CHD4: variants seen among roughly 807,000 people sequenced by gnomAD.
The protein encoded by CHD4 is ATP-dependent chromatin remodeler CHD4.
Under a neutral mutation model 235.5 loss-of-function variants are expected in CHD4, and 35 were observed. The observed-to-expected ratio is 0.15, with a 90% CI of 0.11 to 0.20. The LOEUF (loss-of-function observed/expected upper bound fraction) is 0.20, where lower values mean the gene tolerates loss of function less well. Ranked by LOEUF, CHD4 falls within the 10% of genes least tolerant of loss-of-function variation. The pLI is 1.00. For synonymous variants in CHD4, 900 were observed against 850.2 expected (o/e 1.06, Z -1.02); for missense variants, 1,329 against 2,432.3 (o/e 0.55, Z 9.54).
chr12:6,597,087 G>C (rs1425297250), intron 12 of CHD4, among the ~76,000 whole-genome samples: 2 of 146,004 alleles, frequency 1.4e-5, no homozygotes, highest in Non-Finnish European at 3.0e-5. Flanking sequence ...GGCTAACACA[G>C]TGAAATCCCG....
intron 25 of CHD4, 62 bp downstream of exon 25, chr12:6,587,321 TG>T (rs1194235689): frequency 6.5e-7 from 1 of 1,546,088 alleles, no homozygotes; most frequent in East Asian, 2.3e-5. Flanking sequence ...AATACCACCT[TG>T]GTCTCAATGC....
intron 33 of CHD4, chr12:6,580,393 CA>C (rs1254049195): frequency 1.3e-5 from 2 of 152,128 alleles, no homozygotes; most frequent in African/African-American, 4.8e-5. Context: ...CCATGGTTCA[CA>C]CAGGGATCTG....
chr12:6,591,859 G>C lies in CHD4; in HGVS notation c.3091-34C>G, dbSNP rs753699256. On this transcript the variant is annotated intron_variant, in intron 20 of 39. Coordinates refer to ENST00000544040, the MANE Select transcript of CHD4 (RefSeq NM_001273.5). The stretch of plus-strand genomic sequence containing the variant: ...AAATGCAAAGAAAAAAGTATTAAAA[G>C]AAAGCCCACATGGAGAAGACCCAAC... 2.5e-6 allele frequency: 4 copies of C among 1,613,744 alleles called. No individual in the cohort carries two copies. The East Asian group carries it at 6.7e-5, about 27-fold the overall frequency.
intron 34 of CHD4, 109 bp from the exon 35 acceptor site, chr12:6,578,655 C>T (rs888159037): frequency 1.3e-6 from 2 of 1,528,334 alleles, no homozygotes; most frequent in Middle Eastern, 1.7e-4. Flanking sequence ...ACCCCTTCTC[C>T]ACCTGGGTGT....
Position 6,598,295 on chromosome 12 carries a change from C to T in CHD4, c.1613G>A (p.Arg538Gln). ...NTPSPKPLEG[R>Q]PERQFFVKWQ... ...TTTCACAAAGAACTGCCGCTCTGGC[C>T]GCCCCTCCAAGGGCTTTGGGGAGGG... Residue 538 changes from arginine (R) to glutamine (Q), a missense_variant, in exon 11 of 40, where the codon CGG (arginine) becomes CAG (glutamine). Physicochemically the swap from Arg to Gln is conservative, Grantham distance 43. Around this residue, in one of 26 missense-constraint regions of CHD4, gnomAD observed 45 missense variants for 47.5 expected, o/e 0.95. Coordinates refer to ENST00000544040, the MANE Select transcript of CHD4 (RefSeq NM_001273.5). The T allele has an allele frequency of 1.9e-6, 3 of 1,614,074 alleles. No individual in the cohort carries two copies. Among genetic ancestry groups the T allele is most frequent in the Non-Finnish European group, 2.5e-6 (3 of 1,179,968 alleles).
In CHD4 at chr12:6,577,915, T is replaced by C. The variant is rs1450687927; in HGVS notation, c.5231A>G (p.His1744Arg). ...DYWLLAGIINHGYARWQDIQN... is the reference protein window; with the variant it reads ...DYWLLAGIINRGYARWQDIQN... ...GATGTCTTGCCACCGGGCATAGCCA[T>C]GGCTATTGGAAAAGTGCTCAGGAAA... The change falls in exon 37 of 40, where the codon CAT becomes CGT. Residue 1744 changes from histidine to arginine, a missense_variant and splice_region_variant. Coordinates refer to ENST00000544040, the MANE Select transcript of CHD4 (RefSeq NM_001273.5). The C allele has an allele frequency of 6.2e-7, 1 of 1,613,988 alleles. No homozygotes were observed. The highest frequency in any genetic ancestry group is 8.5e-7 in the Non-Finnish European group (1 of 1,180,044).
Position 6,595,125 on chromosome 12 carries a change from T to C in CHD4, c.2121+209A>G, listed in dbSNP as rs574983460. 4.0e-3 allele frequency among the ~76,000 whole-genome samples: 580 copies of C among 144,798 alleles called. 3 individuals carry two copies. The highest frequency in any genetic ancestry group is 0.014 in the African/African-American group (568 of 40,088). 95.0% of individuals were successfully genotyped at this position (144,798 alleles called of 152,430 possible). On this transcript the variant is annotated intron_variant, in intron 14 of 39. Coordinates refer to ENST00000544040, the MANE Select transcript of CHD4 (RefSeq NM_001273.5). ...CTTCAATCATTCAAAATATACCTCCTTTTTTTTTTTCTGATGACAAAAGAA... is the reference window on the plus strand; with the variant it reads ...CTTCAATCATTCAAAATATACCTCCCTTTTTTTTTTCTGATGACAAAAGAA...
intron 25 of CHD4, among the ~76,000 whole-genome samples, chr12:6,584,976 T>G (rs1202744716): frequency 2.6e-5 from 4 of 152,122 alleles, no homozygotes; most frequent in Admixed American, 2.0e-4. Context: ...TAAACTGAGG[T>G]TGGACGCATT....
In CHD4 at chr12:6,605,557, AC is replaced by A. The variant is rs540182830; in HGVS notation, c.100+716del. ...ACACTGCCAGCCTAAACCGCAGGCT[AC>A]CTCATAGAGACAGAAGCCACTAGGA... On this transcript the variant is annotated intron_variant, in intron 2 of 39. Transcript: ENST00000544040. Among the ~76,000 whole-genome samples the A allele has an allele frequency of 2.6e-5, 4 of 152,296 alleles. No individual in the cohort carries two copies. The South Asian group carries it at 8.3e-4, about 32-fold the overall frequency.
intron 3 of CHD4, 23 bp downstream of exon 3, chr12:6,602,353 G>GT: frequency 6.2e-7 from 1 of 1,611,900 alleles, no homozygotes; most frequent in South Asian, 1.1e-5. Flanking sequence ...CTGATTCCCC[G>GT]TAACATTCAG....
chr12:6,576,049 CTT>C (rs35630388), intron 37 of CHD4, among the ~76,000 whole-genome samples: 6 of 145,916 alleles, frequency 4.1e-5, no homozygotes, highest in Admixed American at 6.9e-5. Flanking sequence ...CTCTCGAGAA[CTT>C]TTTTTTTTTT....
Position 6,570,684 on chromosome 12 carries a change from G to A in CHD4, c.5731C>T (p.Gln1911Ter). 1 of 1,614,174 alleles carries A rather than the reference G, an allele frequency of 6.2e-7. No individual in the cohort carries two copies. Among genetic ancestry groups the A allele is most frequent in the Non-Finnish European group, 8.5e-7 (1 of 1,180,022 alleles). ...PEPTPQQVAQ[Q>*]Q ...GGTATCAGTCTGCATCTTCACTGCT[G>A]CTGGGCTACCTAGAGAAGGAGACCC... is the stretch of plus-strand genomic sequence containing the variant. The change falls in exon 40 of 40, where the codon CAG (glutamine) becomes TAG (stop). Residue 1911 changes from glutamine (Q) to a stop codon, truncating the protein, a stop_gained. Coordinates refer to ENST00000544040, the MANE Select transcript of CHD4 (RefSeq NM_001273.5). LOFTEE classifies it high-confidence loss of function.
chr12:6,573,339 C>A, intron 37 of CHD4, 70 bp from the exon 38 acceptor site: 1 of 1,270,020 alleles, frequency 7.9e-7, no homozygotes, highest in African/African-American at 1.6e-5. Flanking sequence ...ACTGGCCTCT[C>A]AGCTCACCTC....
intron 38 of CHD4, 38 bp from the exon 39 acceptor site, chr12:6,571,070 C>A: frequency 6.2e-6 from 10 of 1,605,410 alleles, no homozygotes; most frequent in Non-Finnish European, 8.5e-6. Context: ...GCTGTGGTGG[C>A]CCAGACTGAG....
At position 6,602,517 on chromosome 12, in the gene CHD4, A is replaced by G. The variant is rs376232465; in HGVS notation, c.101-20T>C. 5.6e-6 allele frequency: 9 copies of G among 1,608,912 alleles called. No individual in the cohort carries two copies. Among genetic ancestry groups the G allele is most frequent in the East Asian group, 4.5e-5 (2 of 44,860 alleles). On this transcript the variant is annotated intron_variant, in intron 2 of 39. Coordinates refer to ENST00000544040, the MANE Select transcript of CHD4 (RefSeq NM_001273.5). The stretch of plus-strand genomic sequence containing the variant: ...CATTTTCTACATATATTTGGCAAAG[A>G]GTGGTAGGCAGGGAAAAGATCAATA...
intron 37 of CHD4, among the ~76,000 whole-genome samples, chr12:6,575,221 G>A (rs1948048088): frequency 1.3e-5 from 2 of 152,128 alleles, no homozygotes; most frequent in South Asian, 4.1e-4. Flanking sequence ...GACAAGGCGG[G>A]CAGATCACCT....
intron 22 of CHD4, 124 bp from the exon 23 acceptor site, chr12:6,588,546 G>C: frequency 3.9e-6 from 4 of 1,028,460 alleles, no homozygotes; most frequent in Non-Finnish European, 5.6e-6. Context: ...GGGAGGCAGA[G>C]ACAGGTGGAT....
chr12:6,577,682 A>C, intron 37 of CHD4, 103 bp downstream of exon 37: 1 of 1,465,766 alleles, frequency 6.8e-7, no homozygotes, highest in Non-Finnish European at 9.3e-7. Flanking sequence ...TAGAATGAAG[A>C]AAGTGAGAAC....
intron 38 of CHD4, among the ~76,000 whole-genome samples, chr12:6,572,365 G>A (rs1454995717): frequency 6.6e-6 from 1 of 151,008 alleles, no homozygotes; most frequent in Admixed American, 6.6e-5. Flanking sequence ...GGCAGAGGTT[G>A]TGGTGGGCCA....
Sources: allele counts gnomAD v4.1 joint callset (sites outside exome capture counted in the v4.1 genomes callset), GRCh38; gene constraint gnomAD v4.1.1; regional missense constraint gnomAD v4.1.1; transcripts MANE v1.5; gene names NCBI Gene and HGNC (gene_info 2026-07-23, HGNC 2026-07-21).